SRRT: variants seen among roughly 807,000 people sequenced by gnomAD.
SRRT encodes the protein serrate RNA effector molecule homolog.
SRRT carries 32 observed loss-of-function variants against 103.2 expected under a neutral mutation model. That is an observed-to-expected ratio of 0.31 (90% CI 0.23 to 0.42). The LOEUF (loss-of-function observed/expected upper bound fraction) is 0.42, where lower values mean the gene tolerates loss of function less well. Ranked by LOEUF, SRRT falls within the 10% of genes least tolerant of loss-of-function variation. The pLI is 1.00. For missense variants in SRRT, 986 were observed against 1,207.5 expected (o/e 0.82, Z 2.72); for synonymous variants, 525 against 449.0 (o/e 1.17, Z -2.14).
chr7:100,884,349 C>T lies in SRRT; in HGVS notation c.758-19C>T. 2 of 1,612,890 alleles carry T rather than the reference C, an allele frequency of 1.2e-6. No individual in the cohort carries two copies. The highest frequency in any genetic ancestry group is 1.3e-5 in the African/African-American group (1 of 74,806). On this transcript the variant is annotated intron_variant, in intron 6 of 19. Coordinates refer to ENST00000611405, the MANE Select transcript of SRRT (RefSeq NM_015908.6). ...AGCCAGGGCCCTGGGGTCATGACCT[C>T]TGTTCCCTTTGTTGGTAGCCGTGAT...
At position 100,881,275 on chromosome 7, in the gene SRRT, T is replaced by G. The variant is rs752503622; in HGVS notation, c.123-10T>G. ...GGCCTTTAATCTTTGTTACTTGTTC[T>G]TACTGCCAGAGAGTGGGACCGTGGC... is the stretch of plus-strand genomic sequence containing the variant. On this transcript the variant is annotated splice_polypyrimidine_tract_variant and intron_variant, in intron 2 of 19. Transcript: ENST00000611405. The G allele has an allele frequency of 2.5e-6, 4 of 1,605,290 alleles. No homozygotes were observed. Among genetic ancestry groups the G allele is most frequent in the Non-Finnish European group, 3.4e-6 (4 of 1,172,930 alleles).
At chr7:100,880,819 G>A (rs946303804) in intron 2 of SRRT, 2 of 317,770 alleles carry the variant, frequency 6.3e-6, no homozygotes, top group Non-Finnish European at 1.3e-5. Flanking sequence ...GAGCACAGGC[G>A]GAAGGCCAGG....
Position 100,881,690 on chromosome 7 carries a change from G to A in SRRT, c.283G>A (p.Gly95Ser). ...DEHSSDPYHS[G>S]YEMPYAGGGG... ...GCACAGCTCTGACCCATACCACAGT[G>A]GCTATGAGATGCCCTATGCTGGGGG... Residue 95 changes from glycine to serine, a missense_variant, in exon 4 of 20, where the codon GGC becomes AGC. By Grantham distance (56) the Gly-to-Ser change is moderately conservative. This residue lies in a region of SRRT where 274 missense variants were observed against 358.5 expected (regional missense o/e 0.76). Transcript: ENST00000611405. 1 of 1,614,054 alleles carries A rather than the reference G, an allele frequency of 6.2e-7. No homozygotes were observed. Among genetic ancestry groups the A allele is most frequent in the Non-Finnish European group, 8.5e-7 (1 of 1,180,016 alleles).
In SRRT at chr7:100,885,455, A is replaced by G; in HGVS notation, c.1317+85A>G. ...GGCAGTGGGGCCCTGCCTGTGACAG[A>G]TGCCCCCGTTTCACCTGCTAGGGAG... On this transcript the variant is annotated intron_variant, in intron 10 of 19. Coordinates refer to ENST00000611405, the MANE Select transcript of SRRT (RefSeq NM_015908.6). The surrounding 1 kb of genome is among the most constrained non-coding windows in gnomAD (Gnocchi z 4.8). The G allele has an allele frequency of 7.1e-7, 1 of 1,398,706 alleles. No homozygotes were observed. Among genetic ancestry groups the G allele is most frequent in the Non-Finnish European group, 9.6e-7 (1 of 1,038,598 alleles). The allele number at this position is 1,398,706 out of a possible 1,614,324, so 86.6% of individuals were successfully genotyped here.
chr7:100,879,823 A>T lies in SRRT; in HGVS notation c.123-1462A>T, dbSNP rs113775164. ...TGAGACTGTCTCCAAAAAAAAAAAA[A>T]AAAGAAGAAGAAGAAGATGAGGATG... On this transcript the variant is annotated intron_variant, in intron 2 of 19. Transcript: ENST00000611405. Among the ~76,000 whole-genome samples the T allele has an allele frequency of 7.2e-5, 11 of 151,744 alleles. No individual in the cohort carries two copies. In the South Asian group the frequency reaches 2.3e-3, roughly 32 times the overall value.
chr7:100,887,393 A>G lies in SRRT; in HGVS notation c.2049A>G (p.Glu683=), dbSNP rs750030958. ...LLSVRESLSE[E]EAQKMGRKDP... is the part of the protein sequence containing the mutation. The stretch of plus-strand genomic sequence containing the variant: ...GTGTGCGGGAGTCACTCTCAGAGGA[A>G]GAGGCCCAGAAGATGGGGCGCAAAG... Residue 683 remains glutamate, a synonymous_variant, in exon 16 of 20, where the codon GAA becomes GAG. Transcript: ENST00000611405. The surrounding 1 kb of genome is among the most constrained non-coding windows in gnomAD (Gnocchi z 4.1). 2.8e-5 allele frequency: 46 copies of G among 1,614,244 alleles called. No individual in the cohort carries two copies. Among genetic ancestry groups the G allele is most frequent in the East Asian group, 4.5e-5 (2 of 44,892 alleles).
In SRRT at chr7:100,881,817, G is replaced by A; in HGVS notation, c.398+12G>A. The A allele has an allele frequency of 1.3e-6, 2 of 1,591,188 alleles. No homozygotes were observed. The highest frequency in any genetic ancestry group is 1.7e-6 in the Non-Finnish European group (2 of 1,171,634). Reference sequence around the variant, plus strand: ...CCTATCCAGGCCAGGTAAGGGTGGGGCTTCTCAGAAGAGGGTTGGTAGGCC... The same window carrying A: ...CCTATCCAGGCCAGGTAAGGGTGGGACTTCTCAGAAGAGGGTTGGTAGGCC... On this transcript the variant is annotated intron_variant, in intron 4 of 19. Transcript: ENST00000611405.
Position 100,881,766 on chromosome 7 carries a change from T to G in SRRT, c.359T>G (p.Val120Gly). ...GPPQPWGHPDVHIMQHHVLPI... is the reference protein window; with the variant it reads ...GPPQPWGHPDGHIMQHHVLPI... Reference sequence around the variant, plus strand: ...CCTCAGCCCTGGGGCCACCCTGACGTCCACATCATGCAGCACCATGTCCTG... The same window carrying G: ...CCTCAGCCCTGGGGCCACCCTGACGGCCACATCATGCAGCACCATGTCCTG... The change falls in exon 4 of 20, where the codon GTC (valine) becomes GGC (glycine). Residue 120 changes from valine (V) to glycine (G), a missense_variant. Transcript: ENST00000611405. 1.2e-6 allele frequency: 2 copies of G among 1,613,488 alleles called. No homozygotes were observed. The highest frequency in any genetic ancestry group is 4.5e-5 in the East Asian group (2 of 44,862).
Position 100,888,064 on chromosome 7 carries a change from A to C in SRRT, c.2349A>C (p.Pro783=). 6.4e-7 allele frequency: 1 copy of C among 1,557,134 alleles called. No homozygotes were observed. Among genetic ancestry groups the C allele is most frequent in the Non-Finnish European group, 8.6e-7 (1 of 1,157,170 alleles). The part of the protein sequence containing the change: ...PAQILPPGLT[P]GLPYPHQTPQ... The stretch of plus-strand genomic sequence containing the variant: ...TTGTACTCCCCCCAGGTTTGACCCC[A>C]GGACTCCCCTACCCACACCAGACTC... The change falls in exon 18 of 20, where the codon CCA becomes CCC. Residue 783 remains proline, a synonymous_variant. Transcript: ENST00000611405.
At chr7:100,883,456 CCT>C (rs760796018) in intron 5 of SRRT, among the ~76,000 whole-genome samples, 13 of 152,204 alleles carry the variant, frequency 8.5e-5, no homozygotes, top group South Asian at 2.1e-4. Flanking sequence ...CCAGCCCTCT[CCT>C]CTCTCTCCCC....
Position 100,887,643 on chromosome 7 carries a change from G to C in SRRT, c.2170-60G>C. The C allele has an allele frequency of 6.3e-7, 1 of 1,581,922 alleles. No homozygotes were observed. The highest frequency in any genetic ancestry group is 1.3e-5 in the African/African-American group (1 of 74,436). ...GGGAGCTGGGAATCCTTCCAGCTCG[G>C]GCCTGGGAGCGAGGCAACCCTTATG... is the stretch of plus-strand genomic sequence containing the variant. On this transcript the variant is annotated intron_variant, in intron 16 of 19. Transcript: ENST00000611405. The surrounding 1 kb of genome is among the most constrained non-coding windows in gnomAD (Gnocchi z 4.1).
In SRRT at chr7:100,883,000, C is replaced by A. The variant is rs1584745657; in HGVS notation, c.587+759C>A. ...CCGCGTGGGCATCTCGGCCGGGCGC[C>A]CAGCCAGGAGCCAGCCGGTGGCCCA... is the stretch of plus-strand genomic sequence containing the variant. On this transcript the variant is annotated intron_variant, in intron 5 of 19. Coordinates refer to ENST00000611405, the MANE Select transcript of SRRT (RefSeq NM_015908.6). The surrounding 1 kb of genome is among the most constrained non-coding windows in gnomAD (Gnocchi z 4.2). 6.6e-6 allele frequency: 1 copy of A among 152,428 alleles called. No homozygotes were observed. Among genetic ancestry groups the A allele is most frequent in the Non-Finnish European group, 1.5e-5 (1 of 68,086 alleles). The allele number at this position is 152,428 out of a possible 1,614,324, so 9.4% of individuals were successfully genotyped here.
chr7:100,884,390 C>T lies in SRRT; in HGVS notation c.780C>T (p.Gly260=), dbSNP rs1563018881. 9 of 1,613,348 alleles carry T rather than the reference C, an allele frequency of 5.6e-6. No homozygotes were observed. Among genetic ancestry groups the T allele is most frequent in the Non-Finnish European group, 7.6e-6 (9 of 1,179,876 alleles). ...LDAAVIKMEG[G]TENDLRILEQ... Reference sequence around the variant, plus strand: ...TAGCCGTGATTAAGATGGAAGGAGGCACGGAGAATGATCTTCGCATCCTGG... The same window carrying T: ...TAGCCGTGATTAAGATGGAAGGAGGTACGGAGAATGATCTTCGCATCCTGG... Residue 260 remains glycine, a synonymous_variant, in exon 7 of 20, where the codon GGC becomes GGT. Coordinates refer to ENST00000611405, the MANE Select transcript of SRRT (RefSeq NM_015908.6).
At position 100,885,540 on chromosome 7, in the gene SRRT, A is replaced by G. The variant is rs1368741246; in HGVS notation, c.1318-161A>G. On this transcript the variant is annotated intron_variant, in intron 10 of 19. Transcript: ENST00000611405. The surrounding 1 kb of genome is among the most constrained non-coding windows in gnomAD (Gnocchi z 4.8). ...AGTCCTGATAGCGCCATTGGCTTTCAGGTGCTGGTGTTCTGAAGCCCTTTA... is the reference window on the plus strand; with the variant it reads ...AGTCCTGATAGCGCCATTGGCTTTCGGGTGCTGGTGTTCTGAAGCCCTTTA... 1.0e-5 allele frequency: 11 copies of G among 1,069,698 alleles called. No individual in the cohort carries two copies. The East Asian group carries it at 1.0e-4, about 10-fold the overall frequency. 66.3% of individuals were successfully genotyped at this position (1,069,698 alleles called of 1,614,324 possible).
intron 2 of SRRT, among the ~76,000 whole-genome samples, chr7:100,878,482 AT>A (rs969262540): frequency 1.3e-5 from 2 of 152,224 alleles, no homozygotes; most frequent in African/African-American, 2.4e-5. Flanking sequence ...AGAACAGTGG[AT>A]TTTAATGCAG....
At chr7:100,875,974 C>CT (rs1328345253) in intron 2 of SRRT, 2 of 395,386 alleles carry the variant, frequency 5.1e-6, no homozygotes, top group Non-Finnish European at 9.6e-6. Flanking sequence ...GAAAAGCGTG[C>CT]TTTTTTGCTT....
rs754310318 is a variant in SRRT at position 100,884,563 on chromosome 7, T to C, written c.942+11T>C. On this transcript the variant is annotated intron_variant, in intron 7 of 19. Transcript: ENST00000611405. Reference sequence around the variant, plus strand: ...GAAGACGGCAAGCAGGTCCGAGCCCTGGGTCTCCTAGTGTTGTCCCTGGCA... The same window carrying C: ...GAAGACGGCAAGCAGGTCCGAGCCCCGGGTCTCCTAGTGTTGTCCCTGGCA... 1 of 1,371,542 alleles carries C rather than the reference T, an allele frequency of 7.3e-7. No individual in the cohort carries two copies. The highest frequency in any genetic ancestry group is 1.2e-5 in the South Asian group (1 of 86,410). The allele number at this position is 1,371,542 out of a possible 1,614,324, so 85.0% of individuals were successfully genotyped here.
In SRRT at chr7:100,884,980, G is replaced by A. The variant is rs760929016; in HGVS notation, c.1099G>A (p.Val367Met). Residue 367 changes from valine to methionine, a missense_variant, in exon 9 of 20, where the codon GTG becomes ATG. Around this residue, in one of 6 missense-constraint regions of SRRT, gnomAD observed 166 missense variants for 148.6 expected, o/e 1.12. Transcript: ENST00000611405. The stretch of plus-strand genomic sequence containing the variant: ...TGACGACAGCTTTGACGAGGGCAGC[G>A]TGTCAGAGTCTGAGTCGGAGTCAGA... ...SGDDSFDEGS[V>M]SESESESESG... The A allele has an allele frequency of 5.0e-6, 8 of 1,613,990 alleles. No individual in the cohort carries two copies. The South Asian group carries it at 8.8e-5, about 18-fold the overall frequency.
At chr7:100,880,672 A>T (rs1277677019) in intron 2 of SRRT, 1 of 420,726 alleles carries the variant, frequency 2.4e-6, no homozygotes. Context: ...ATGATTTTTA[A>T]AAAGTTTTCT....
Sources: allele counts gnomAD v4.1 joint callset (sites outside exome capture counted in the v4.1 genomes callset), GRCh38; gene constraint gnomAD v4.1.1; regional missense constraint gnomAD v4.1.1; non-coding constraint Gnocchi (gnomAD v3.1); transcripts MANE v1.5; gene names NCBI Gene and HGNC (gene_info 2026-07-23, HGNC 2026-07-21).